The following PLA2R1 variants were observed in gnomAD, a reference collection of about 807,000 sequenced individuals.
The protein encoded by PLA2R1 is secretory phospholipase A2 receptor.
Under a neutral mutation model 195.9 loss-of-function variants are expected in PLA2R1, and 158 were observed. The ratio of observed to expected loss-of-function variants is 0.81; its 90% CI spans 0.71 to 0.92. The LOEUF (loss-of-function observed/expected upper bound fraction) is 0.92, where lower values mean the gene tolerates loss of function less well. Ranked by LOEUF, PLA2R1 falls within the 40% of genes least tolerant of loss-of-function variation. The pLI is 0.00. For synonymous variants in PLA2R1, 586 were observed against 598.2 expected (o/e 0.98, Z 0.30); for missense variants, 1,626 against 1,764.6 (o/e 0.92, Z 1.41).
rs1694778499 is a variant in PLA2R1, at chr2:160,045,117, T to C, written c.150A>G (p.Lys50=). 6.2e-7 allele frequency: 1 copy of C among 1,609,504 alleles called. No individual in the cohort carries two copies. The highest frequency in any genetic ancestry group is 1.1e-5 in the South Asian group (1 of 90,914). ...IFVIQSESLK[K]CIQAGKSVLT... ...GAACCGATTTACCTGCTTGAATGCATTTCTTGAGACTCTCACTTTGGATAA... is the reference window on the plus strand; with the variant it reads ...GAACCGATTTACCTGCTTGAATGCACTTCTTGAGACTCTCACTTTGGATAA... The change falls in exon 2 of 30, where the codon AAA becomes AAG. Residue 50 remains lysine, a synonymous_variant. Transcript: ENST00000283243.
chr2:159,949,260 A>AT (rs2125926572), intron 25 of PLA2R1, among the ~76,000 whole-genome samples: 2 of 151,454 alleles, frequency 1.3e-5, no homozygotes, highest in South Asian at 4.2e-4. Flanking sequence ...TTCCTTCCCC[A>AT]TTTTCATCCA....
At chr2:159,945,870 C>T (rs891395488) in intron 27 of PLA2R1, 3 of 903,732 alleles carry the variant, frequency 3.3e-6, no homozygotes, top group Non-Finnish European at 4.0e-6. Flanking sequence ...TTTAGGTTAT[C>T]ATGTTTCTTA....
intron 28 of PLA2R1, 33 bp from the exon 29 acceptor site, chr2:159,942,192 T>C (rs1383218754): frequency 2.6e-6 from 4 of 1,556,608 alleles, no homozygotes; most frequent in Non-Finnish European, 3.5e-6. Context: ...AAATGAGGTT[T>C]TTCTTTTAAT....
At position 160,028,839 on chromosome 2, in the gene PLA2R1, A is replaced by G. The variant is rs760523044; in HGVS notation, c.955+11T>C. On this transcript the variant is annotated intron_variant, in intron 5 of 29. Transcript: ENST00000283243. ...GCCACGTGACGAAGGCAAAGAAAAC[A>G]CTGCGGGTACCTGGGCTCCAATTCA... 6.5e-7 allele frequency: 1 copy of G among 1,547,886 alleles called. No homozygotes were observed. Among genetic ancestry groups the G allele is most frequent in the Non-Finnish European group, 8.9e-7 (1 of 1,118,580 alleles).
At position 160,013,299 on chromosome 2, in the gene PLA2R1, T is replaced by A. The variant is rs1049610698; in HGVS notation, c.1628A>T (p.Tyr543Phe). The change falls in exon 10 of 30, where the codon TAT becomes TTT. Residue 543 changes from tyrosine (Y) to phenylalanine (F), a missense_variant. Physicochemically the swap from Tyr to Phe is conservative, Grantham distance 22. Transcript: ENST00000283243. ...LRSFDQASSG[Y>F]YCPPALVTIT... ...GGTTACAAGTGCAGGAGGACAGTAATAACCGCTGGAAGCTTGGTCAAAGCT... is the reference window on the plus strand; with the variant it reads ...GGTTACAAGTGCAGGAGGACAGTAAAAACCGCTGGAAGCTTGGTCAAAGCT... The A allele has an allele frequency of 1.2e-5, 19 of 1,610,054 alleles. No individual in the cohort carries two copies. Among genetic ancestry groups the A allele is most frequent in the Non-Finnish European group, 1.5e-5 (18 of 1,176,486 alleles).
chr2:160,031,795 C>T (rs1045002977), intron 4 of PLA2R1, among the ~76,000 whole-genome samples: 1 of 152,116 alleles, frequency 6.6e-6, no homozygotes, highest in Non-Finnish European at 1.5e-5. Context: ...GATATGAAGG[C>T]TCGTTCTGCC....
chr2:159,992,603 A>G (rs1328490753), intron 11 of PLA2R1, among the ~76,000 whole-genome samples: 1 of 150,494 alleles, frequency 6.6e-6, no homozygotes, highest in Non-Finnish European at 1.5e-5. Flanking sequence ...GGTAATTTAC[A>G]GATTCAATGC....
intron 5 of PLA2R1, among the ~76,000 whole-genome samples, chr2:160,028,624 G>T (rs753209442): frequency 6.6e-6 from 1 of 152,094 alleles, no homozygotes; most frequent in Non-Finnish European, 1.5e-5. Flanking sequence ...CAGCAGACTG[G>T]AATCTTGGCT....
Position 160,005,705 on chromosome 2 carries a change from A to G in PLA2R1, c.1781T>C (p.Val594Ala). The G allele has an allele frequency of 6.2e-7, 1 of 1,614,010 alleles. No individual in the cohort carries two copies. Among genetic ancestry groups the G allele is most frequent in the Non-Finnish European group, 8.5e-7 (1 of 1,179,924 alleles). The change falls in exon 11 of 30, where the codon GTA (valine) becomes GCA (alanine). Residue 594 changes from valine to alanine, a missense_variant. Val to Ala is a moderately conservative substitution (Grantham distance 64). Transcript: ENST00000283243. ...CTGCACCGGCTCGGGTTTCTGCCCT[A>G]CTGGCTTCCAAGTGTATTCTCCCGT... is the stretch of plus-strand genomic sequence containing the variant. ...NDTGEYTWKP[V>A]GQKPEPVQYT...
chr2:159,951,274 A>T, intron 24 of PLA2R1, 66 bp downstream of exon 24: 1 of 838,076 alleles, frequency 1.2e-6, no homozygotes, highest in Non-Finnish European at 2.0e-6. Flanking sequence ...CAGTGGCCAG[A>T]TCATGAAGGA....
intron 14 of PLA2R1, 74 bp from the exon 15 acceptor site, chr2:159,977,490 C>T (rs1044309398): frequency 1.5e-5 from 20 of 1,362,422 alleles, no homozygotes; most frequent in Non-Finnish European, 8.3e-6. Context: ...AAAGGGCATC[C>T]CTGTACATAA....
At chr2:160,012,263 A>G (rs1692413554) in intron 10 of PLA2R1, among the ~76,000 whole-genome samples, 1 of 152,188 alleles carries the variant, frequency 6.6e-6, no homozygotes, top group African/African-American at 2.4e-5. Flanking sequence ...CTGTGGCACC[A>G]CTGGAGTTCT....
Position 159,942,402 on chromosome 2 carries a change from G to C in PLA2R1, c.4145-243C>G, listed in dbSNP as rs1276804968. On this transcript the variant is annotated intron_variant, in intron 28 of 29. Transcript: ENST00000283243. ...AATGTTTACTAGCTGGCCCTTTACA[G>C]AAAAAGTTTGCTGACCTTTGATTTA... Among the ~76,000 whole-genome samples the C allele has an allele frequency of 5.9e-5, 9 of 152,278 alleles. 1 individual carries two copies. The Middle Eastern group carries it at 0.024, about 403-fold the overall frequency.
chr2:160,016,669 TA>T lies in PLA2R1; in HGVS notation c.1495del (p.Tyr499ThrfsTer52). 1 of 1,609,318 alleles carries T rather than the reference TA, an allele frequency of 6.2e-7. No homozygotes were observed. Among genetic ancestry groups the T allele is most frequent in the Non-Finnish European group, 8.5e-7 (1 of 1,175,626 alleles). ...KVKNCEERLF[Y>X]ICKKAGHVLS... is the part of the protein sequence containing the mutation. ...GACATGGCCTGCTTTTTTACAAATG[TA>T]AAAAAGTCTTTCTTCACAATTTTTG... On this transcript the variant is annotated frameshift_variant, in exon 9 of 30. Transcript: ENST00000283243. LOFTEE classifies it high-confidence loss of function.
At chr2:160,038,835 A>G (rs768527436) in intron 3 of PLA2R1, among the ~76,000 whole-genome samples, 2 of 151,992 alleles carry the variant, frequency 1.3e-5, no homozygotes, top group Non-Finnish European at 2.9e-5. Flanking sequence ...TGTTGTATCA[A>G]TCTGCTTGTT....
At chr2:160,046,623 C>T (rs1330575979) in intron 1 of PLA2R1, among the ~76,000 whole-genome samples, 2 of 152,242 alleles carry the variant, frequency 1.3e-5, no homozygotes, top group Middle Eastern at 3.4e-3. Flanking sequence ...AAATGGTATA[C>T]CTCATCTAAT....
At chr2:160,048,381 TAATC>T (rs1279299700) in intron 1 of PLA2R1, among the ~76,000 whole-genome samples, 1 of 152,208 alleles carries the variant, frequency 6.6e-6, no homozygotes, top group Non-Finnish European at 1.5e-5. Context: ...TCACCAATAA[TAATC>T]AACATGCTGC....
intron 8 of PLA2R1, among the ~76,000 whole-genome samples, 158 bp downstream of exon 8, chr2:160,019,948 G>A (rs1692997636): frequency 6.6e-6 from 1 of 152,146 alleles, no homozygotes; most frequent in Admixed American, 6.5e-5. Context: ...TAATTACCAT[G>A]TTTTTTCTGT....
Position 160,031,741 on chromosome 2 carries a change from G to A in PLA2R1, c.841+1218C>T, listed in dbSNP as rs572088639. Among the ~76,000 whole-genome samples, 494 of 152,200 alleles carry A rather than the reference G, an allele frequency of 3.2e-3. 2 individuals are homozygous for A. Among genetic ancestry groups the A allele is most frequent in the African/African-American group, 0.01 (435 of 41,534 alleles). ...TGTATCACTGTGCAATAGCTGCCAT[G>A]TTTTTATTTATTTTTATTTTTTATT... On this transcript the variant is annotated intron_variant, in intron 4 of 29. Coordinates refer to ENST00000283243, the MANE Select transcript of PLA2R1 (RefSeq NM_007366.5).
Sources: allele counts gnomAD v4.1 joint callset (sites outside exome capture counted in the v4.1 genomes callset), GRCh38; gene constraint gnomAD v4.1.1; transcripts MANE v1.5; gene names NCBI Gene and HGNC (gene_info 2026-07-23, HGNC 2026-07-21).